Variants in ZNF385D observed in about 807,000 individuals in gnomAD.
ZNF385D encodes zinc finger protein 659.
In ZNF385D, 15 loss-of-function variants were observed where a neutral mutation model predicts 35.8. The ratio of observed to expected loss-of-function variants is 0.42; its 90% confidence interval spans 0.28 to 0.64. ZNF385D has a LOEUF of 0.64. Ranked by LOEUF, ZNF385D falls within the 30% of genes least tolerant of loss-of-function variation. The pLI is 0.23. For missense variants in ZNF385D, 474 were observed against 494.6 expected, an observed-to-expected ratio of 0.96 and a Z score of 0.39; for synonymous variants, 212 against 186.8, an observed-to-expected ratio of 1.13 and a Z score of -1.10.
intron 3 of ZNF385D, among the ~76,000 whole-genome samples, chr3:22,020,324 G>A: frequency 6.6e-6 from 1 of 151,858 alleles, no homozygotes; most frequent in Non-Finnish European, 1.5e-5. Context: ...AAGTATGTTG[G>A]TGAAAGCTTT....
Position 21,614,203 on chromosome 3 carries a change from C to T in ZNF385D, c.166-49519G>A, listed in dbSNP as rs180889281. Among the ~76,000 whole-genome samples, 483 of 152,256 alleles carry T rather than the reference C, an allele frequency of 3.2e-3. 1 individual carries two copies. The highest frequency in any genetic ancestry group is 0.011 in the African/African-American group (459 of 41,540). ...GATCAAGGTATAAGCAGGTCTGACT[C>T]CTGAGGCTTCTCTCCTGGGCTTATA... is the stretch of plus-strand genomic sequence containing the variant. On this transcript the variant is annotated intron_variant, in intron 2 of 7. Coordinates refer to ENST00000281523, the MANE Select transcript of ZNF385D (RefSeq NM_024697.3).
chr3:21,689,130 C>CAAAAAAAAAAAAAAAA (rs5847126), intron 1 of ZNF385D, among the ~76,000 whole-genome samples: 1 of 114,374 alleles, frequency 8.7e-6, no homozygotes, highest in Non-Finnish European at 1.8e-5. Flanking sequence ...CTTATTGAAG[C>CAAAAAAAAAAAAAAAA]AAAAAAAAAA....
At chr3:21,855,611 A>C (rs1426217568) in intron 3 of ZNF385D, among the ~76,000 whole-genome samples, 3 of 152,020 alleles carry the variant, frequency 2.0e-5, no homozygotes, top group Non-Finnish European at 4.4e-5. Flanking sequence ...AGATCATCCA[A>C]ATAAGATATA....
At chr3:22,232,984 T>C (rs1054532701) in intron 2 of ZNF385D, among the ~76,000 whole-genome samples, 6 of 152,220 alleles carry the variant, frequency 3.9e-5, no homozygotes, top group Non-Finnish European at 8.8e-5. Context: ...TTTTTGTTTG[T>C]TTTAAATTCT....
At chr3:22,260,337 G>A (rs183145500) in intron 2 of ZNF385D, among the ~76,000 whole-genome samples, 1 of 151,852 alleles carries the variant, frequency 6.6e-6, no homozygotes, top group African/African-American at 2.4e-5. Context: ...TCACACACCA[G>A]GGCCTGTTGG....
rs189026190 is a variant in ZNF385D at position 21,951,562 on chromosome 3, C to G, written c.325+217255G>C. Among the ~76,000 whole-genome samples the G allele has an allele frequency of 1.6e-4, 25 of 151,668 alleles. No homozygotes were observed. In the East Asian group the frequency reaches 2.7e-3, roughly 16 times the overall value. On this transcript the variant is annotated intron_variant, in intron 3 of 5. Coordinates refer to the ZNF385D transcript ENST00000494108. ...TTTATTTCTTCCTCTTGCCTGATTG[C>G]CCCGGCCAGAACTTCCAATACTACG...
At chr3:22,098,713 T>C (rs973850082) in intron 3 of ZNF385D, among the ~76,000 whole-genome samples, 1 of 152,006 alleles carries the variant, frequency 6.6e-6, no homozygotes, top group Non-Finnish European at 1.5e-5. Context: ...AGTAAGCACA[T>C]GAAAAATTCT....
chr3:21,835,943 A>G (rs1055694880), intron 3 of ZNF385D, among the ~76,000 whole-genome samples: 6 of 152,120 alleles, frequency 3.9e-5, no homozygotes, highest in African/African-American at 1.2e-4. Context: ...AAGTGCCTTA[A>G]TAAGAACACC....
intron 3 of ZNF385D, among the ~76,000 whole-genome samples, chr3:22,137,668 C>T (rs1083717): frequency 6.6e-6 from 1 of 152,104 alleles, no homozygotes; most frequent in African/African-American, 2.4e-5. Flanking sequence ...TGGGACGTAT[C>T]TCAAAATAAT....
chr3:22,132,161 T>G (rs12715025), intron 3 of ZNF385D, among the ~76,000 whole-genome samples: 1 of 151,972 alleles, frequency 6.6e-6, no homozygotes, highest in African/African-American at 2.4e-5. Flanking sequence ...TCTTAACCCC[T>G]GTGGTGATGG....
intron 3 of ZNF385D, among the ~76,000 whole-genome samples, chr3:21,523,980 C>A (rs1008056380): frequency 2.6e-4 from 40 of 152,016 alleles, no homozygotes; most frequent in Non-Finnish European, 1.3e-4. Context: ...AATCATTTGG[C>A]TAATATGTAA....
chr3:21,933,250 C>T (rs1458621016), intron 3 of ZNF385D, among the ~76,000 whole-genome samples: 1 of 152,164 alleles, frequency 6.6e-6, no homozygotes, highest in Non-Finnish European at 1.5e-5. Flanking sequence ...CCTGAATCTT[C>T]TCTAGATCTG....
At chr3:21,790,485 GTTATAC>G (rs1484501915) in intron 3 of ZNF385D, among the ~76,000 whole-genome samples, 8 of 152,048 alleles carry the variant, frequency 5.3e-5, no homozygotes, top group Non-Finnish European at 8.8e-5. Context: ...ATTTTCTATA[GTTATAC>G]TTGTATTTCT....
chr3:22,214,571 A>G (rs1697737639), intron 2 of ZNF385D, among the ~76,000 whole-genome samples: 1 of 152,076 alleles, frequency 6.6e-6, no homozygotes, highest in East Asian at 1.9e-4. Flanking sequence ...CATTCCTGAG[A>G]AAGGGAATGC....
intron 2 of ZNF385D, among the ~76,000 whole-genome samples, chr3:22,181,637 G>T (rs1033205532): frequency 2.7e-5 from 4 of 150,216 alleles, no homozygotes; most frequent in African/African-American, 9.8e-5. Flanking sequence ...GGCGGAGCTT[G>T]CAGTGAGCGG....
chr3:21,920,974 G>A (rs1700429158), intron 3 of ZNF385D, among the ~76,000 whole-genome samples: 1 of 151,982 alleles, frequency 6.6e-6, no homozygotes, highest in Admixed American at 6.6e-5. Flanking sequence ...CCAGCACTCT[G>A]GGAGGCTGAG....
intron 3 of ZNF385D, among the ~76,000 whole-genome samples, chr3:22,104,998 G>T (rs1702130891): frequency 6.6e-6 from 1 of 152,058 alleles, no homozygotes; most frequent in Admixed American, 6.6e-5. Flanking sequence ...GAGAATGAAA[G>T]GAGTTTAGAA....
At chr3:22,301,908 G>A (rs1702922164) in intron 2 of ZNF385D, among the ~76,000 whole-genome samples, 1 of 151,914 alleles carries the variant, frequency 6.6e-6, no homozygotes, top group South Asian at 2.1e-4. Context: ...AGTATATTGT[G>A]GTTTGAAATT....
intron 2 of ZNF385D, among the ~76,000 whole-genome samples, chr3:22,187,044 C>G (rs1334682820): frequency 6.6e-6 from 1 of 152,126 alleles, no homozygotes; most frequent in African/African-American, 2.4e-5. Flanking sequence ...CAGGCACTGG[C>G]TTTAGACTCA....
Sources: allele counts gnomAD v4.1 joint callset (sites outside exome capture counted in the v4.1 genomes callset), GRCh38; gene constraint gnomAD v4.1.1; transcripts MANE v1.5; gene names NCBI Gene and HGNC (gene_info 2026-07-23, HGNC 2026-07-21).